The following NKAIN3 variants were observed in gnomAD, a reference collection of about 807,000 sequenced individuals.
NKAIN3 encodes the protein sodium/potassium transporting ATPase interacting 3, also known as sodium/potassium-transporting ATPase subunit beta-1-interacting protein 3.
A neutral mutation model predicts 30.2 loss-of-function variants in NKAIN3; 25 were observed. The ratio of observed to expected loss-of-function variants is 0.83; its 90% CI spans 0.60 to 1.16. NKAIN3 has a LOEUF of 1.16. NKAIN3 is among the 50% of genes most tolerant of loss of function. The probability of loss-of-function intolerance (pLI) is 0.00; values close to 1 mark genes in which losing one functional copy is unlikely to be tolerated. For synonymous variants in NKAIN3, 91 were observed against 89.6 expected, an observed-to-expected ratio of 1.02 and a Z score of -0.09; for missense variants, 225 against 254.1, an observed-to-expected ratio of 0.89 and a Z score of 0.78.
chr8:62,656,186 T>C (rs982205682), intron 3 of NKAIN3, among the ~76,000 whole-genome samples: 1 of 152,144 alleles, frequency 6.6e-6, no homozygotes, highest in Non-Finnish European at 1.5e-5. Context: ...ATGACTAATA[T>C]TGATTCACTC....
At chr8:62,959,859 G>T (rs933558693) in intron 6 of NKAIN3, among the ~76,000 whole-genome samples, 5 of 152,186 alleles carry the variant, frequency 3.3e-5, no homozygotes, top group African/African-American at 1.2e-4. Context: ...GAGCACTGCA[G>T]CTGTAAAGCA....
At chr8:62,961,855 A>G (rs1823578813) in intron 6 of NKAIN3, among the ~76,000 whole-genome samples, 2 of 152,214 alleles carry the variant, frequency 1.3e-5, no homozygotes, top group South Asian at 4.1e-4. Flanking sequence ...GGTTAACATT[A>G]CTAGATGAGA....
intron 4 of NKAIN3, among the ~76,000 whole-genome samples, chr8:62,817,337 T>C (rs189895122): frequency 1.4e-4 from 21 of 152,202 alleles, no homozygotes; most frequent in Non-Finnish European, 2.4e-4. Context: ...ACTTTCTTAC[T>C]AAGAGAGCTT....
At chr8:62,432,655 A>G (rs1805049096) in intron 1 of NKAIN3, among the ~76,000 whole-genome samples, 1 of 152,108 alleles carries the variant, frequency 6.6e-6, no homozygotes, top group Admixed American at 6.6e-5. Context: ...GAAGAGATGC[A>G]TCCCAGTCTA....
chr8:62,479,954 C>A (rs1225447501), intron 1 of NKAIN3, among the ~76,000 whole-genome samples: 1 of 152,090 alleles, frequency 6.6e-6, no homozygotes, highest in Non-Finnish European at 1.5e-5. Flanking sequence ...AGCGTTTCCC[C>A]AGAACATTTT....
chr8:62,765,785 CA>C (rs1318561940), intron 4 of NKAIN3, among the ~76,000 whole-genome samples: 1 of 151,968 alleles, frequency 6.6e-6, no homozygotes, highest in Non-Finnish European at 1.5e-5. Flanking sequence ...TGTGTGTATG[CA>C]TATATAATTA....
At chr8:62,361,793 A>G (rs900814731) in intron 1 of NKAIN3, among the ~76,000 whole-genome samples, 2 of 152,226 alleles carry the variant, frequency 1.3e-5, no homozygotes, top group African/African-American at 4.8e-5. Flanking sequence ...TTTCCTTACA[A>G]TTCCCAACAG....
chr8:62,958,396 G>A (rs1022469520), intron 6 of NKAIN3, among the ~76,000 whole-genome samples: 9 of 152,080 alleles, frequency 5.9e-5, no homozygotes, highest in Non-Finnish European at 8.8e-5. Flanking sequence ...AACTGCTATC[G>A]AGGGAGGTAT....
intron 4 of NKAIN3, among the ~76,000 whole-genome samples, chr8:62,893,487 A>G (rs1322476926): frequency 6.6e-6 from 1 of 152,240 alleles, no homozygotes; most frequent in Non-Finnish European, 1.5e-5. Context: ...AGGAAACAAC[A>G]TATGAACCAA....
chr8:62,528,305 T>TAA (rs200583422), intron 1 of NKAIN3, among the ~76,000 whole-genome samples: 4 of 121,212 alleles, frequency 3.3e-5, no homozygotes, highest in Admixed American at 9.2e-5. Flanking sequence ...ATATATTATA[T>TAA]TATATATATA....
intron 4 of NKAIN3, among the ~76,000 whole-genome samples, chr8:62,868,459 A>G (rs963329100): frequency 7.2e-5 from 11 of 152,042 alleles, no homozygotes; most frequent in Admixed American, 1.3e-4. Flanking sequence ...AACAATTTAT[A>G]CTTGAAGTAG....
At chr8:62,711,567 C>A (rs374611617) in intron 3 of NKAIN3, among the ~76,000 whole-genome samples, 1 of 144,572 alleles carries the variant, frequency 6.9e-6, no homozygotes, top group South Asian at 2.3e-4. Context: ...TCTAAAAGTG[C>A]ATCCAAAGTT....
chr8:62,965,076 A>G (rs902937037), intron 6 of NKAIN3, among the ~76,000 whole-genome samples: 1 of 152,172 alleles, frequency 6.6e-6, no homozygotes, highest in Non-Finnish European at 1.5e-5. Flanking sequence ...TACCCTTAAG[A>G]AAAGCAATAG....
chr8:62,681,145 A>T (rs960055801), intron 3 of NKAIN3, among the ~76,000 whole-genome samples: 1 of 152,180 alleles, frequency 6.6e-6, no homozygotes, highest in African/African-American at 2.4e-5. Flanking sequence ...CTCAGTGCCA[A>T]TCCTGTCTCA....
At chr8:62,665,800 A>G (rs1813080042) in intron 3 of NKAIN3, among the ~76,000 whole-genome samples, 1 of 152,168 alleles carries the variant, frequency 6.6e-6, no homozygotes, top group Non-Finnish European at 1.5e-5. Flanking sequence ...TGTGCCCAGC[A>G]ATAAGTTTCC....
chr8:62,830,270 T>C (rs13250647), intron 4 of NKAIN3, among the ~76,000 whole-genome samples: 225 of 152,266 alleles, frequency 1.5e-3, no homozygotes, highest in Middle Eastern at 3.4e-3. Context: ...TAGCCACTTA[T>C]ACAGTATCTA....
chr8:62,787,403 GA>G (rs1817556560), intron 4 of NKAIN3, among the ~76,000 whole-genome samples: 1 of 152,020 alleles, frequency 6.6e-6, no homozygotes, highest in Non-Finnish European at 1.5e-5. Context: ...GAAAGGCAGA[GA>G]AAAAGAACAA....
intron 3 of NKAIN3, among the ~76,000 whole-genome samples, chr8:62,604,648 G>A (rs571000793): frequency 2.3e-4 from 35 of 152,204 alleles, no homozygotes; most frequent in Middle Eastern, 3.4e-3. Flanking sequence ...TTAGTAACTC[G>A]TAATTTTCTA....
At chr8:62,513,254 G>A (rs1360773706) in intron 1 of NKAIN3, among the ~76,000 whole-genome samples, 1 of 151,348 alleles carries the variant, frequency 6.6e-6, no homozygotes, top group Non-Finnish European at 1.5e-5. Flanking sequence ...ACCTTTCTAG[G>A]AAAGAAAAAT....
Sources: gnomAD v4.1 joint callset for allele counts (sites outside exome capture counted in the v4.1 genomes callset) on GRCh38, gnomAD v4.1.1 for gene constraint, MANE v1.5 for transcripts, NCBI Gene and HGNC (gene_info 2026-07-23, HGNC 2026-07-21) for gene names.